LGSN: variants seen among roughly 807,000 people sequenced by gnomAD.
The protein encoded by LGSN is lengsin, lens protein with glutamine synthetase domain.
LGSN carries 21 observed loss-of-function variants against 19.5 expected under a neutral mutation model. That is an observed-to-expected ratio of 1.07 (90% CI 0.76 to 1.55). The LOEUF (loss-of-function observed/expected upper bound fraction) is 1.55, where lower values mean the gene tolerates loss of function less well. Among genes scored for constraint, LGSN ranks in the 40% most tolerant of loss-of-function variants. The pLI, the probability that LGSN is intolerant of heterozygous loss-of-function variation, is 0.00. For missense variants in LGSN, 673 were observed against 608.5 expected (o/e 1.11, Z -1.12); for synonymous variants, 257 against 215.6 (o/e 1.19, Z -1.68).
the LGSN span, among the ~76,000 whole-genome samples, chr6:63,357,005 C>T: frequency 3.8e-5 from 5 of 129,872 alleles, no homozygotes; most frequent in South Asian, 8.9e-4. Flanking sequence ...CAACAGGCCC[C>T]GGTGTGTGAT....
chr6:63,444,111 G>C, the LGSN span, among the ~76,000 whole-genome samples: 1 of 152,044 alleles, frequency 6.6e-6, no homozygotes, highest in East Asian at 1.9e-4. Context: ...TTCATTACTG[G>C]ATGATGATGC....
chr6:63,524,912 A>G, the LGSN span, among the ~76,000 whole-genome samples: 1 of 152,228 alleles, frequency 6.6e-6, no homozygotes, highest in Non-Finnish European at 1.5e-5. Context: ...GATACCTCAG[A>G]GGCATTCTTC....
upstream of LGSN, among the ~76,000 whole-genome samples, chr6:63,323,746 C>G (rs1272402440): frequency 6.7e-6 from 1 of 149,730 alleles, no homozygotes; most frequent in Non-Finnish European, 1.5e-5. Context: ...AGAGAAAAAC[C>G]ACTGGAATCT....
chr6:63,535,548 T>G, the LGSN span, among the ~76,000 whole-genome samples: 2 of 152,214 alleles, frequency 1.3e-5, no homozygotes, highest in African/African-American at 4.8e-5. Context: ...ATAACTAAAA[T>G]TAGTGGCATT....
the LGSN span, among the ~76,000 whole-genome samples, chr6:63,365,836 A>G: frequency 6.6e-6 from 1 of 152,222 alleles, no homozygotes; most frequent in Non-Finnish European, 1.5e-5. Flanking sequence ...AAGGAAAAAA[A>G]ATACATGATT....
the LGSN span, among the ~76,000 whole-genome samples, chr6:63,454,466 TTTTC>T: frequency 2.3e-5 from 3 of 132,652 alleles, no homozygotes; most frequent in African/African-American, 7.7e-5. Flanking sequence ...AGTTTTTACA[TTTTC>T]TTTTTTTTTT....
At chr6:63,480,984 T>TACAC in the LGSN span, among the ~76,000 whole-genome samples, 1 of 36,370 alleles carries the variant, frequency 2.7e-5, no homozygotes, top group Non-Finnish European at 9.0e-5. Flanking sequence ...TATATATATA[T>TACAC]ATACACACAC....
the LGSN span, among the ~76,000 whole-genome samples, chr6:63,328,261 G>C: frequency 6.6e-6 from 1 of 152,210 alleles, no homozygotes. Context: ...GATTAGTTAA[G>C]GGGACTTCTA....
chr6:63,381,351 G>A, the LGSN span, among the ~76,000 whole-genome samples: 1 of 152,172 alleles, frequency 6.6e-6, no homozygotes, highest in African/African-American at 2.4e-5. Context: ...GAAAGTAGTT[G>A]GTTGATGAAA....
chr6:63,354,635 G>C, the LGSN span, among the ~76,000 whole-genome samples: 1 of 152,058 alleles, frequency 6.6e-6, no homozygotes, highest in East Asian at 1.9e-4. Context: ...ATCACTACTG[G>C]GCAATTATCC....
chr6:63,419,643 C>T, the LGSN span, among the ~76,000 whole-genome samples: 3 of 152,122 alleles, frequency 2.0e-5, no homozygotes, highest in African/African-American at 7.2e-5. Context: ...AATCCTAGCA[C>T]TTTGGGAGGC....
intron 3 of LGSN, among the ~76,000 whole-genome samples, chr6:63,285,300 A>G (rs1184768841): frequency 1.3e-5 from 2 of 152,218 alleles, no homozygotes; most frequent in Non-Finnish European, 2.9e-5. Flanking sequence ...GAGAAAAAAT[A>G]ATTCTGTAGA....
the LGSN span, among the ~76,000 whole-genome samples, chr6:63,491,017 A>G: frequency 6.6e-6 from 1 of 151,952 alleles, no homozygotes; most frequent in Non-Finnish European, 1.5e-5. Flanking sequence ...GCCTGCCCAC[A>G]GTGGTGAAGG....
At position 63,276,587 on chromosome 6, in the gene LGSN, T is replaced by C. The variant is rs1767111631; in HGVS notation, c.*3434A>G. The C allele has an allele frequency of 6.6e-6, 1 of 152,168 alleles. No individual in the cohort carries two copies. The highest frequency in any genetic ancestry group is 2.4e-5 in the African/African-American group (1 of 41,452). 9.4% of individuals were successfully genotyped at this position (152,168 alleles called of 1,614,324 possible). A position where few individuals can be genotyped will look rare whatever the true frequency, so the allele number is the denominator to read the frequency against. On this transcript the variant is annotated 3_prime_UTR_variant, in exon 4 of 4. Coordinates refer to ENST00000370657, the MANE Select transcript of LGSN (RefSeq NM_016571.3). ...TTTATAAGGCACCCTTTTCGAGCCA[T>C]AAAGAAGCTTTCCAAATAGCTTTTT...
the LGSN span, among the ~76,000 whole-genome samples, chr6:63,496,004 G>T: frequency 2.4e-4 from 36 of 151,330 alleles, no homozygotes; most frequent in Non-Finnish European, 4.1e-4. Context: ...TTGGCTTACC[G>T]CAACCTCTGC....
At chr6:63,357,485 C>A in the LGSN span, among the ~76,000 whole-genome samples, 4 of 152,188 alleles carry the variant, frequency 2.6e-5, no homozygotes, top group Non-Finnish European at 5.9e-5. Context: ...ACATCCTCTC[C>A]AGCACCTGTT....
At chr6:63,509,156 CT>C in the LGSN span, among the ~76,000 whole-genome samples, 1 of 151,544 alleles carries the variant, frequency 6.6e-6, no homozygotes, top group Admixed American at 6.6e-5. Context: ...CCTCCACCCC[CT>C]AGGTTCAAGC....
At chr6:63,456,375 A>ACTTTTTTTTTTTT in the LGSN span, among the ~76,000 whole-genome samples, 1 of 37,352 alleles carries the variant, frequency 2.7e-5, no homozygotes, top group African/African-American at 5.6e-5. Flanking sequence ...ATATATATAT[A>ACTTTTTTTTTTTT]TATATATATA....
the LGSN span, among the ~76,000 whole-genome samples, chr6:63,538,174 C>T: frequency 9.8e-4 from 149 of 152,236 alleles, no homozygotes; most frequent in Middle Eastern, 3.4e-3. Context: ...GAATATGAGC[C>T]TTGGTGTTTA....
Sources: gnomAD v4.1 joint callset for allele counts (sites outside exome capture counted in the v4.1 genomes callset) on GRCh38, gnomAD v4.1.1 for gene constraint, MANE v1.5 for transcripts, NCBI Gene and HGNC (gene_info 2026-07-23, HGNC 2026-07-21) for gene names.